Variants in SEC62 observed in about 807,000 individuals in gnomAD.
The protein encoded by SEC62 is SEC62 preprotein translocation factor.
SEC62 carries 10 observed loss-of-function variants against 47.5 expected under a neutral mutation model. The observed-to-expected ratio is 0.21, with a 90% CI of 0.13 to 0.36. The LOEUF is 0.36. Ranked by LOEUF, SEC62 falls within the 10% of genes least tolerant of loss-of-function variation. The pLI is 1.00. For missense variants in SEC62, 327 were observed against 464.1 expected, an observed-to-expected ratio of 0.70 and a Z score of 2.71; for synonymous variants, 136 against 150.5, an observed-to-expected ratio of 0.90 and a Z score of 0.71.
chr3:169,983,375 A>G lies in SEC62; in HGVS notation c.549+122A>G, dbSNP rs534827100. 4 of 474,264 alleles carry G rather than the reference A, an allele frequency of 8.4e-6. No homozygotes were observed. The East Asian group carries it at 1.4e-4, about 16-fold the overall frequency. The allele number at this position is 474,264 out of a possible 1,614,324, so 29.4% of individuals were successfully genotyped here. On this transcript the variant is annotated intron_variant, in intron 5 of 7. Coordinates refer to ENST00000337002, the MANE Select transcript of SEC62 (RefSeq NM_003262.4). ...TCTAATTATGCTCTTAAATGTATAA[A>G]AGCTACTCCATTTTTAAAAATCAAT...
chr3:169,982,227 G>C (rs913531173), intron 3 of SEC62, among the ~76,000 whole-genome samples: 1 of 152,024 alleles, frequency 6.6e-6, no homozygotes, highest in African/African-American at 2.4e-5. Flanking sequence ...ACTGAATTGC[G>C]AAGTACTTGG....
At position 169,986,567 on chromosome 3, in the gene SEC62, C is replaced by T. The variant is rs139988129; in HGVS notation, c.610+702C>T. 2.7e-3 allele frequency among the ~76,000 whole-genome samples: 412 copies of T among 152,008 alleles called. 4 individuals are homozygous for T. Among genetic ancestry groups the T allele is most frequent in the African/African-American group, 9.7e-3 (401 of 41,420 alleles). On this transcript the variant is annotated intron_variant, in intron 6 of 7. Transcript: ENST00000337002. ...TAAAAAAAGAAAAGAAAGTTACAGACGAGTAAGAATAGTATAAGCTCATTT... is the reference window on the plus strand; with the variant it reads ...TAAAAAAAGAAAAGAAAGTTACAGATGAGTAAGAATAGTATAAGCTCATTT...
chr3:169,992,349 A>G lies in SEC62; in HGVS notation c.731-245A>G, dbSNP rs890185772. ...AACTAGTCAGGAATTTTTTGTTTTC[A>G]GGCATGCAGTGGTGTAATTATAGCT... On this transcript the variant is annotated intron_variant, in intron 7 of 7. Coordinates refer to ENST00000337002, the MANE Select transcript of SEC62 (RefSeq NM_003262.4). The surrounding 1 kb of genome is among the most constrained non-coding windows in gnomAD (Gnocchi z 4.0). Among the ~76,000 whole-genome samples, 2 of 152,122 alleles carry G rather than the reference A, an allele frequency of 1.3e-5. No homozygotes were observed. The highest frequency in any genetic ancestry group is 4.8e-5 in the African/African-American group (2 of 41,426).
intron 2 of SEC62, among the ~76,000 whole-genome samples, chr3:169,976,736 C>T (rs1050506718): frequency 6.6e-6 from 1 of 152,118 alleles, no homozygotes; most frequent in African/African-American, 2.4e-5. Flanking sequence ...GCCATTATTT[C>T]CCAACATTAC....
rs1487919950 is a variant in SEC62 at position 169,992,832 on chromosome 3, G to A, written c.969G>A (p.Gly323=). ...SDSEKKEDEE[G]KVGPGNHGTE... ...GTGAGAAAAAGGAAGATGAGGAGGG[G>A]AAAGTAGGACCAGGAAATCATGGAA... The change falls in exon 8 of 8, where the codon GGG becomes GGA. Residue 323 remains glycine, a synonymous_variant. Coordinates refer to ENST00000337002, the MANE Select transcript of SEC62 (RefSeq NM_003262.4). The surrounding 1 kb of genome is among the most constrained non-coding windows in gnomAD (Gnocchi z 4.0). The A allele has an allele frequency of 3.1e-6, 5 of 1,614,090 alleles. No homozygotes were observed. The highest frequency in any genetic ancestry group is 1.3e-5 in the African/African-American group (1 of 75,044).
At chr3:169,991,584 G>A (rs1055787664) in intron 7 of SEC62, among the ~76,000 whole-genome samples, 6 of 152,018 alleles carry the variant, frequency 3.9e-5, no homozygotes, top group African/African-American at 7.3e-5. Flanking sequence ...ATGGTGGCAC[G>A]TACCTGCTAC....
At chr3:169,990,000 GATATATCATAATATT>G (rs141192386) in intron 7 of SEC62, among the ~76,000 whole-genome samples, 27,385 of 145,410 alleles carry the variant, frequency 0.19, 2,552 homozygotes, top group South Asian at 0.23. Context: ...ATAGATATAT[GATATATCATAATATT>G]ATATATCATA....
In SEC62 at chr3:169,992,097, T is replaced by A. The variant is rs1195287580; in HGVS notation, c.731-497T>A. On this transcript the variant is annotated intron_variant, in intron 7 of 7. Transcript: ENST00000337002. This position sits in a 1 kb window ranked among gnomAD's most constrained non-coding sequence, Gnocchi z 4.0. ...CCTTCCTAAACACCTTTCATCTCTT[T>A]ATTTTATTCTTTTCCTACACCATGA... Among the ~76,000 whole-genome samples, 1 of 152,240 alleles carries A rather than the reference T, an allele frequency of 6.6e-6. No homozygotes were observed. The highest frequency in any genetic ancestry group is 1.5e-5 in the Non-Finnish European group (1 of 68,034).
chr3:169,989,179 G>C (rs1433212155), intron 7 of SEC62, among the ~76,000 whole-genome samples: 10 of 149,802 alleles, frequency 6.7e-5, no homozygotes, highest in Non-Finnish European at 1.2e-4. Context: ...CTGCAGCCTT[G>C]AATTCCTGGG....
chr3:169,980,450 C>T (rs186479050), intron 3 of SEC62, among the ~76,000 whole-genome samples: 10 of 152,222 alleles, frequency 6.6e-5, no homozygotes, highest in African/African-American at 2.4e-4. Flanking sequence ...TAATGTCAGT[C>T]TCATCTTTCA....
rs1559967484 is a variant in SEC62, at chr3:169,988,299, G to A, written c.670G>A (p.Val224Ile). 2 of 1,613,818 alleles carry A rather than the reference G, an allele frequency of 1.2e-6. No homozygotes were observed. The highest frequency in any genetic ancestry group is 1.7e-6 in the Non-Finnish European group (2 of 1,179,902). ...PLWPAEMRVG[V>I]YYLSVGAGCF... ...TTGGCCAGCAGAAATGAGAGTAGGTGTTTATTACCTCAGTGTGGGTGCAGG... is the reference window on the plus strand; with the variant it reads ...TTGGCCAGCAGAAATGAGAGTAGGTATTTATTACCTCAGTGTGGGTGCAGG... Residue 224 changes from valine to isoleucine, a missense_variant, in exon 7 of 8, where the codon GTT becomes ATT. Physicochemically the swap from Val to Ile is conservative, Grantham distance 29 (BLOSUM62 3). Coordinates refer to ENST00000337002, the MANE Select transcript of SEC62 (RefSeq NM_003262.4).
Position 169,996,673 on chromosome 3 carries a change from TCTC to T in SEC62, c.*3613_*3615del, listed in dbSNP as rs1459560830. The T allele has an allele frequency of 6.6e-6, 1 of 152,278 alleles. No individual in the cohort carries two copies. The highest frequency in any genetic ancestry group is 6.6e-5 in the Admixed American group (1 of 15,266). 9.4% of individuals were successfully genotyped at this position (152,278 alleles called of 1,614,324 possible). A position where few individuals can be genotyped will look rare whatever the true frequency, so the allele number is the denominator to read the frequency against. On this transcript the variant is annotated 3_prime_UTR_variant, in exon 8 of 8. Coordinates refer to ENST00000337002, the MANE Select transcript of SEC62 (RefSeq NM_003262.4). ...TGGTAGGGTGCCTATTCTCGGCTCT[TCTC>T]CTGGGGTTGGGGGGCTGCCTTAGCA...
chr3:169,967,282 A>G (rs1353301997), intron 1 of SEC62, among the ~76,000 whole-genome samples: 2 of 152,132 alleles, frequency 1.3e-5, no homozygotes, highest in African/African-American at 2.4e-5. Context: ...AGGCCACGGT[A>G]ATAGGGGTAG....
chr3:169,995,283 A>G lies in SEC62; in HGVS notation c.*2220A>G, dbSNP rs950359890. ...GTAGGGCTTATTGTAGAGGGTATCA[A>G]TTGGCCTAACTAAGCAGGATTGAAT... On this transcript the variant is annotated 3_prime_UTR_variant, in exon 8 of 8. Transcript: ENST00000337002. 1.3e-5 allele frequency: 2 copies of G among 152,154 alleles called. No homozygotes were observed. The highest frequency in any genetic ancestry group is 4.8e-5 in the African/African-American group (2 of 41,446). The allele number at this position is 152,154 out of a possible 1,614,324, so 9.4% of individuals were successfully genotyped here. A position where few individuals can be genotyped will look rare whatever the true frequency, so the allele number is the denominator to read the frequency against.
chr3:169,981,612 G>A (rs924925403), intron 3 of SEC62, among the ~76,000 whole-genome samples: 2 of 152,138 alleles, frequency 1.3e-5, no homozygotes, highest in Non-Finnish European at 2.9e-5. Context: ...TCTGAAACTA[G>A]AACATGAGAT....
intron 3 of SEC62, among the ~76,000 whole-genome samples, chr3:169,979,538 C>G (rs1191218123): frequency 6.6e-6 from 1 of 152,176 alleles, no homozygotes; most frequent in East Asian, 1.9e-4. Flanking sequence ...TTATGTCGTC[C>G]TCAGTCTTGT....
At chr3:169,971,324 G>T (rs1170378528) in intron 1 of SEC62, among the ~76,000 whole-genome samples, 1 of 151,904 alleles carries the variant, frequency 6.6e-6, no homozygotes, top group Non-Finnish European at 1.5e-5. Flanking sequence ...ATCCACCTCG[G>T]CCTCCCAAAG....
At chr3:169,987,476 T>A (rs1467915848) in intron 6 of SEC62, among the ~76,000 whole-genome samples, 3 of 152,194 alleles carry the variant, frequency 2.0e-5, no homozygotes, top group Admixed American at 6.5e-5. Flanking sequence ...CTTTGCTAGA[T>A]ATTTTGCGTA....
intron 1 of SEC62, among the ~76,000 whole-genome samples, chr3:169,971,010 C>T (rs1230011215): frequency 5.3e-5 from 8 of 151,460 alleles, no homozygotes; most frequent in Admixed American, 6.6e-5. Flanking sequence ...ACTGCATGCA[C>T]GTTGGATGTG....
Sources: gnomAD v4.1 joint callset for allele counts (sites outside exome capture counted in the v4.1 genomes callset) on GRCh38, gnomAD v4.1.1 for gene constraint, Gnocchi (gnomAD v3.1) non-coding constraint, MANE v1.5 for transcripts, NCBI Gene and HGNC (gene_info 2026-07-23, HGNC 2026-07-21) for gene names.